The following NSL1 variants were observed in gnomAD, a reference collection of about 807,000 sequenced individuals.
The protein encoded by NSL1 is kinetochore-associated protein NSL1 homolog.
A neutral mutation model predicts 25.4 loss-of-function variants in NSL1; 11 were observed. The observed-to-expected ratio is 0.43, with a 90% CI of 0.27 to 0.72. The LOEUF is 0.72. Among genes scored for constraint, NSL1 ranks in the 30% least tolerant of loss-of-function variants. NSL1 has a pLI of 0.19. For synonymous variants in NSL1, 118 were observed against 120.6 expected (o/e 0.98, Z 0.14); for missense variants, 330 against 342.7 (o/e 0.96, Z 0.29).
Position 212,736,580 on chromosome 1 carries a change from G to A in NSL1, c.*1828C>T. ...TTAGTTAATAATGCTAATACGTACT[G>A]TCTTTCCCAGTGGTATTTCTATTTT... On this transcript the variant is annotated 3_prime_UTR_variant, in exon 6 of 6. Coordinates refer to ENST00000366977, the MANE Select transcript of NSL1 (RefSeq NM_015471.4). 1.0e-6 allele frequency: 1 copy of A among 985,192 alleles called. No homozygotes were observed. The allele number at this position is 985,192 out of a possible 1,614,324, so 61.0% of individuals were successfully genotyped here.
chr1:212,738,111 G>A lies in NSL1; in HGVS notation c.*297C>T, dbSNP rs1658312321. On this transcript the variant is annotated 3_prime_UTR_variant, in exon 6 of 6. Transcript: ENST00000366977. ...TAAATCCCACAAAAGCTACAAGGGA[G>A]CTGAGAGTTGATGGCACTTAAGGAC... The A allele has an allele frequency of 2.8e-6, 3 of 1,052,816 alleles. No individual in the cohort carries two copies. In the South Asian group the frequency reaches 1.3e-4, roughly 45 times the overall value. 65.2% of individuals were successfully genotyped at this position (1,052,816 alleles called of 1,614,324 possible).
In NSL1 at chr1:212,737,929, C is replaced by G. The variant is rs566434687; in HGVS notation, c.*479G>C. On this transcript the variant is annotated 3_prime_UTR_variant, in exon 6 of 6. Transcript: ENST00000366977. ...CAGCACATTAATTTGATAAATCAAA[C>G]TACATCTTTAAAAAAAAACCCTGCA... 253 of 985,504 alleles carry G rather than the reference C, an allele frequency of 2.6e-4. No homozygotes were observed. The highest frequency in any genetic ancestry group is 2.0e-4 in the Non-Finnish European group (162 of 830,168). The allele number at this position is 985,504 out of a possible 1,614,324, so 61.0% of individuals were successfully genotyped here.
chr1:212,781,104 T>A (rs891698834), intron 4 of NSL1, among the ~76,000 whole-genome samples: 2 of 152,198 alleles, frequency 1.3e-5, no homozygotes, highest in Non-Finnish European at 2.9e-5. Context: ...AAATGCATAA[T>A]GAAAAAACTC....
intron 4 of NSL1, among the ~76,000 whole-genome samples, chr1:212,776,541 C>T (rs913226895): frequency 1.3e-5 from 2 of 150,750 alleles, no homozygotes; most frequent in Non-Finnish European, 3.0e-5. Flanking sequence ...GGTGACAGAG[C>T]GAGACTATGT....
chr1:212,732,615 G>C lies in NSL1; in HGVS notation c.*5793C>G, dbSNP rs1208741580. 1 of 985,102 alleles carries C rather than the reference G, an allele frequency of 1.0e-6. No homozygotes were observed. The highest frequency in any genetic ancestry group is 1.1e-4 in the East Asian group (1 of 8,822). 61.0% of individuals were successfully genotyped at this position (985,102 alleles called of 1,614,324 possible). On this transcript the variant is annotated 3_prime_UTR_variant, in exon 6 of 6. Coordinates refer to ENST00000366977, the MANE Select transcript of NSL1 (RefSeq NM_015471.4). ...GGCCTACATAGTCTTATTCCAACCT[G>C]GTCTGCCTAGTCTCCAAATCTGCTG...
rs1474749982 is a variant in NSL1 at position 212,731,807 on chromosome 1, T to C, written c.*6601A>G. 1.0e-6 allele frequency: 1 copy of C among 985,432 alleles called. No homozygotes were observed. Among genetic ancestry groups the C allele is most frequent in the Non-Finnish European group, 1.2e-6 (1 of 829,936 alleles). The allele number at this position is 985,432 out of a possible 1,614,324, so 61.0% of individuals were successfully genotyped here. On this transcript the variant is annotated 3_prime_UTR_variant, in exon 6 of 6. Coordinates refer to ENST00000366977, the MANE Select transcript of NSL1 (RefSeq NM_015471.4). ...AGACAGTCACACTGTTACAAACATA[T>C]GGATTGTACTGGTTGGCACAGAAGC...
intron 5 of NSL1, among the ~76,000 whole-genome samples, chr1:212,739,318 T>C (rs17019640): frequency 0.017 from 2,537 of 152,292 alleles, 65 homozygotes; most frequent in African/African-American, 0.055. Context: ...AATCAACCTT[T>C]AAAGAAGACA....
chr1:212,731,037 G>A lies in NSL1; in HGVS notation c.*7371C>T. ...GAATTACAAGGGATTCTTTACCCCT[G>A]AAGCTTCAAATGAATATAACATTAA... On this transcript the variant is annotated 3_prime_UTR_variant, in exon 6 of 6. Transcript: ENST00000366977. 1 of 985,346 alleles carries A rather than the reference G, an allele frequency of 1.0e-6. No individual in the cohort carries two copies. Among genetic ancestry groups the A allele is most frequent in the African/African-American group, 1.7e-5 (1 of 57,336 alleles). 61.0% of individuals were successfully genotyped at this position (985,346 alleles called of 1,614,324 possible).
intron 4 of NSL1, among the ~76,000 whole-genome samples, chr1:212,740,343 T>C (rs529204407): frequency 6.6e-6 from 1 of 152,332 alleles, no homozygotes; most frequent in South Asian, 2.1e-4. Flanking sequence ...ATTTTTCTTT[T>C]CTGACTTGTC....
At chr1:212,780,519 A>AGG (rs1660685872) in intron 4 of NSL1, among the ~76,000 whole-genome samples, 1 of 60,340 alleles carries the variant, frequency 1.7e-5, no homozygotes, top group African/African-American at 4.3e-5. Flanking sequence ...AAAAAAAGGA[A>AGG]AAAAAAAAAA....
At position 212,728,746 on chromosome 1, in the gene NSL1, C is replaced by A. The variant is rs929675575; in HGVS notation, c.*9662G>T. ...CAACATCAGGGATAAACCTGATCACCGTCCCCTTTGTTGCCACATCTCGCA... is the reference window on the plus strand; with the variant it reads ...CAACATCAGGGATAAACCTGATCACAGTCCCCTTTGTTGCCACATCTCGCA... On this transcript the variant is annotated 3_prime_UTR_variant, in exon 6 of 6. Transcript: ENST00000366977. 1 of 985,276 alleles carries A rather than the reference C, an allele frequency of 1.0e-6. No individual in the cohort carries two copies. Among genetic ancestry groups the A allele is most frequent in the South Asian group, 4.7e-5 (1 of 21,292 alleles). 61.0% of individuals were successfully genotyped at this position (985,276 alleles called of 1,614,324 possible). A position where few individuals can be genotyped will look rare whatever the true frequency, so the allele number is the denominator to read the frequency against.
At position 212,756,899 on chromosome 1, in the gene NSL1, G is replaced by C. The variant is rs148771532; in HGVS notation, c.500-17298C>G. ...GCTCACAGGGAGCTTACAATACTGT[G>C]GGGAGGGAAGAGGAAAATAAGGAGA... is the stretch of plus-strand genomic sequence containing the variant. On this transcript the variant is annotated intron_variant, in intron 4 of 5. Transcript: ENST00000366977. Among the ~76,000 whole-genome samples the C allele has an allele frequency of 2.6e-3, 391 of 152,308 alleles. 1 individual carries two copies. Among genetic ancestry groups the C allele is most frequent in the Non-Finnish European group, 3.7e-3 (255 of 68,024 alleles).
chr1:212,731,816 C>A lies in NSL1; in HGVS notation c.*6592G>T. The A allele has an allele frequency of 1.0e-6, 1 of 985,376 alleles. No homozygotes were observed. 61.0% of individuals were successfully genotyped at this position (985,376 alleles called of 1,614,324 possible). ...CACTGTTACAAACATATGGATTGTA[C>A]TGGTTGGCACAGAAGCCTCCTCACT... On this transcript the variant is annotated 3_prime_UTR_variant, in exon 6 of 6. Coordinates refer to ENST00000366977, the MANE Select transcript of NSL1 (RefSeq NM_015471.4).
In NSL1 at chr1:212,736,037, T is replaced by C. The variant is rs1243422372; in HGVS notation, c.*2371A>G. ...TGGGACTAGACTTAACCTTCTTGTGTTCTTCTTATTATTATTTTGAAACAG... is the reference window on the plus strand; with the variant it reads ...TGGGACTAGACTTAACCTTCTTGTGCTCTTCTTATTATTATTTTGAAACAG... On this transcript the variant is annotated 3_prime_UTR_variant, in exon 6 of 6. Coordinates refer to ENST00000366977, the MANE Select transcript of NSL1 (RefSeq NM_015471.4). The C allele has an allele frequency of 2.4e-5, 24 of 985,156 alleles. No homozygotes were observed. Among genetic ancestry groups the C allele is most frequent in the Non-Finnish European group, 2.9e-5 (24 of 829,828 alleles). The allele number at this position is 985,156 out of a possible 1,614,324, so 61.0% of individuals were successfully genotyped here.
rs1327172051 is a variant in NSL1 at position 212,731,180 on chromosome 1, A to G, written c.*7228T>C. The G allele has an allele frequency of 1.2e-6, 1 of 841,752 alleles. No individual in the cohort carries two copies. The highest frequency in any genetic ancestry group is 1.4e-6 in the Non-Finnish European group (1 of 726,178). 52.1% of individuals were successfully genotyped at this position (841,752 alleles called of 1,614,324 possible). A position where few individuals can be genotyped will look rare whatever the true frequency, so the allele number is the denominator to read the frequency against. ...ATCTATTTGCAAAACAAATGGTCAG[A>G]GGGGAGAAAAAAAAAAAAACCTGAA... On this transcript the variant is annotated 3_prime_UTR_variant, in exon 6 of 6. Coordinates refer to ENST00000366977, the MANE Select transcript of NSL1 (RefSeq NM_015471.4).
At chr1:212,762,110 C>A (rs1003832699) in intron 4 of NSL1, among the ~76,000 whole-genome samples, 1 of 151,564 alleles carries the variant, frequency 6.6e-6, no homozygotes, top group Non-Finnish European at 1.5e-5. Context: ...CTAGCCTGGA[C>A]AACATGGTGA....
chr1:212,769,079 T>TAA (rs58889016), intron 4 of NSL1, among the ~76,000 whole-genome samples: 3,226 of 132,072 alleles, frequency 0.024, 54 homozygotes, highest in Non-Finnish European at 0.038. Flanking sequence ...GGAGGAGGAA[T>TAA]AAAAAAAAAA....
intron 4 of NSL1, among the ~76,000 whole-genome samples, chr1:212,774,815 C>T (rs1384548471): frequency 6.6e-6 from 1 of 152,140 alleles, no homozygotes; most frequent in Non-Finnish European, 1.5e-5. Flanking sequence ...CTCAGCAGTT[C>T]CATTTGTGGG....
intron 4 of NSL1, among the ~76,000 whole-genome samples, chr1:212,762,998 G>T (rs751443164): frequency 3.3e-5 from 5 of 152,224 alleles, no homozygotes; most frequent in African/African-American, 1.2e-4. Flanking sequence ...CTACAGACAT[G>T]AGCAGAGGAG....
Sources: allele counts gnomAD v4.1 joint callset (sites outside exome capture counted in the v4.1 genomes callset), GRCh38; gene constraint gnomAD v4.1.1; transcripts MANE v1.5; gene names NCBI Gene and HGNC (gene_info 2026-07-23, HGNC 2026-07-21).